Variants in GRIN2B observed in about 807,000 individuals in gnomAD.
GRIN2B encodes the protein glutamate receptor ionotropic, NMDA 2B.
Under a neutral mutation model 114.5 loss-of-function variants are expected in GRIN2B, and 5 were observed. The ratio of observed to expected loss-of-function variants is 0.04; its 90% CI spans 0.02 to 0.09. The LOEUF (loss-of-function observed/expected upper bound fraction) is 0.09, where lower values mean the gene tolerates loss of function less well. GRIN2B is among the 10% of genes least tolerant of loss of function. GRIN2B has a pLI of 1.00. For missense variants in GRIN2B, 1,108 were observed against 1,943.5 expected (o/e 0.57, Z 8.08); for synonymous variants, 787 against 745.1 (o/e 1.06, Z -0.92).
At chr12:13,644,941 A>G (rs1397706706) in intron 5 of GRIN2B, among the ~76,000 whole-genome samples, 1 of 152,104 alleles carries the variant, frequency 6.6e-6, no homozygotes, top group Non-Finnish European at 1.5e-5. Flanking sequence ...TTGATCTTCT[A>G]TCTAGACCAT....
chr12:13,885,996 C>T (rs951598672), intron 2 of GRIN2B, among the ~76,000 whole-genome samples: 3 of 152,108 alleles, frequency 2.0e-5, no homozygotes, highest in Non-Finnish European at 2.9e-5. Flanking sequence ...TTTCCACAAG[C>T]GCCCCAGATG....
At chr12:13,661,542 A>G (rs1949923591) in intron 5 of GRIN2B, among the ~76,000 whole-genome samples, 1 of 152,178 alleles carries the variant, frequency 6.6e-6, no homozygotes, top group Non-Finnish European at 1.5e-5. Context: ...TCAGCTCCAT[A>G]AATGCCCAAT....
chr12:13,653,966 T>C (rs911547660), intron 5 of GRIN2B, among the ~76,000 whole-genome samples: 4 of 152,184 alleles, frequency 2.6e-5, no homozygotes, highest in Admixed American at 1.3e-4. Flanking sequence ...ACTAAGTATC[T>C]GATTTTTGTC....
chr12:13,667,480 A>G (rs17760889), intron 5 of GRIN2B, among the ~76,000 whole-genome samples: 14,255 of 152,220 alleles, frequency 0.094, 829 homozygotes, highest in Middle Eastern at 0.24. Flanking sequence ...TTAAAAAGCA[A>G]TCTTATGGCA....
rs529740225 is a variant in GRIN2B, at chr12:13,680,341, C to A, written c.1011-4482G>T. 5.3e-5 allele frequency among the ~76,000 whole-genome samples: 8 copies of A among 151,994 alleles called. No homozygotes were observed. The East Asian group carries it at 1.6e-3, about 29-fold the overall frequency. On this transcript the variant is annotated intron_variant, in intron 4 of 13. Transcript: ENST00000609686. ...TTCTATTTCTCTCCAAACATGTCAT[C>A]CTCAAGTACACAGTCAAAAAGCTTT...
rs937056148 is a variant in GRIN2B at position 13,731,599 on chromosome 12, TCAAA to T, written c.1010+21714_1010+21717del. Among the ~76,000 whole-genome samples, 21 of 152,098 alleles carry T rather than the reference TCAAA, an allele frequency of 1.4e-4. No individual in the cohort carries two copies. The South Asian group carries it at 1.9e-3, about 14-fold the overall frequency. On this transcript the variant is annotated intron_variant, in intron 4 of 13. Transcript: ENST00000609686. ...CTTGGTGACAGAGTGAGACTCCATCTCAAACAAACAAACAAACAAGCAAAAAACA... is the reference window on the plus strand; with the variant it reads ...CTTGGTGACAGAGTGAGACTCCATCTCAAACAAACAAACAAGCAAAAAACA...
At chr12:13,744,793 T>C (rs1275453728) in intron 4 of GRIN2B, among the ~76,000 whole-genome samples, 1 of 152,166 alleles carries the variant, frequency 6.6e-6, no homozygotes, top group Non-Finnish European at 1.5e-5. Context: ...GGTGCCAGTC[T>C]GGGCGAGCTA....
rs1200531372 is a variant in GRIN2B, at chr12:13,544,632, G to C, written c.*18151C>G. On this transcript the variant is annotated 3_prime_UTR_variant, in exon 14 of 14. Transcript: ENST00000609686. ...GCAGGATTCCTGTCTTACACTGATG[G>C]CAACTCCAAACTTTCAATAGCTCAG... is the stretch of plus-strand genomic sequence containing the variant. 6.6e-6 allele frequency: 1 copy of C among 152,112 alleles called. No homozygotes were observed. The highest frequency in any genetic ancestry group is 1.5e-5 in the Non-Finnish European group (1 of 68,036). The allele number at this position is 152,112 out of a possible 1,614,324, so 9.4% of individuals were successfully genotyped here.
chr12:13,578,878 T>C (rs1043047461), intron 10 of GRIN2B, among the ~76,000 whole-genome samples: 1 of 151,322 alleles, frequency 6.6e-6, no homozygotes, highest in African/African-American at 2.4e-5. Flanking sequence ...GAACCAGACA[T>C]ACAAAGACAA....
chr12:13,700,692 G>T (rs1465396289), intron 4 of GRIN2B, among the ~76,000 whole-genome samples: 1 of 152,106 alleles, frequency 6.6e-6, no homozygotes, highest in African/African-American at 2.4e-5. Flanking sequence ...TCCAGCCCTC[G>T]TCAAACACTC....
chr12:13,658,883 G>A (rs1024906199), intron 5 of GRIN2B, among the ~76,000 whole-genome samples: 5 of 150,336 alleles, frequency 3.3e-5, no homozygotes, highest in African/African-American at 1.2e-4. Flanking sequence ...TCACCTTGCT[G>A]TCAGGCTGTC....
At chr12:13,781,371 G>A (rs1046176640) in intron 3 of GRIN2B, among the ~76,000 whole-genome samples, 2 of 152,138 alleles carry the variant, frequency 1.3e-5, no homozygotes, top group African/African-American at 2.4e-5. Context: ...TTGTAAATTT[G>A]GGAAACCCGG....
intron 10 of GRIN2B, among the ~76,000 whole-genome samples, chr12:13,607,288 T>A (rs865774581): frequency 1.4e-3 from 20 of 14,552 alleles, no homozygotes; most frequent in Middle Eastern, 0.077. Context: ...ATAATATATA[T>A]TATATAAAAA....
chr12:13,711,217 A>G (rs1337181560), intron 4 of GRIN2B, among the ~76,000 whole-genome samples: 2 of 151,460 alleles, frequency 1.3e-5, no homozygotes, highest in African/African-American at 4.8e-5. Flanking sequence ...TACCTTATAC[A>G]AAAATTAATT....
At chr12:13,602,359 T>C (rs1949172272) in intron 10 of GRIN2B, among the ~76,000 whole-genome samples, 1 of 152,240 alleles carries the variant, frequency 6.6e-6, no homozygotes, top group Admixed American at 6.5e-5. Context: ...TCATGACTGC[T>C]ACTTTCTCAA....
At chr12:13,667,977 C>T (rs1175944962) in intron 5 of GRIN2B, among the ~76,000 whole-genome samples, 1 of 152,150 alleles carries the variant, frequency 6.6e-6, no homozygotes, top group Non-Finnish European at 1.5e-5. Context: ...ACTCTTTCTT[C>T]TTCAACACCA....
intron 4 of GRIN2B, among the ~76,000 whole-genome samples, chr12:13,684,273 C>G (rs1950157803): frequency 6.6e-6 from 1 of 152,106 alleles, no homozygotes; most frequent in African/African-American, 2.4e-5. Flanking sequence ...TCTGACCTCC[C>G]AGATCCCTGC....
intron 10 of GRIN2B, among the ~76,000 whole-genome samples, chr12:13,607,383 T>TATAA (rs1565473796): frequency 1.8e-5 from 1 of 54,680 alleles, no homozygotes; most frequent in African/African-American, 9.4e-5. Context: ...ATTATATATA[T>TATAA]AATATATATT....
rs534854843 is a variant in GRIN2B, at chr12:13,625,123, A to G, written c.1126-8466T>C. 5.3e-5 allele frequency among the ~76,000 whole-genome samples: 8 copies of G among 152,302 alleles called. No homozygotes were observed. In the East Asian group the frequency reaches 1.4e-3, roughly 26 times the overall value. Reference sequence around the variant, plus strand: ...GAGGTCTATCAATTCAATGCCACTAAAAAAGGTGGATATTATTAATTGCCT... The same window carrying G: ...GAGGTCTATCAATTCAATGCCACTAGAAAAGGTGGATATTATTAATTGCCT... On this transcript the variant is annotated intron_variant, in intron 5 of 13. Coordinates refer to ENST00000609686, the MANE Select transcript of GRIN2B (RefSeq NM_000834.5).
Sources: allele counts gnomAD v4.1 joint callset (sites outside exome capture counted in the v4.1 genomes callset), GRCh38; gene constraint gnomAD v4.1.1; transcripts MANE v1.5; gene names NCBI Gene and HGNC (gene_info 2026-07-23, HGNC 2026-07-21).